The following ATRIP variants were observed in gnomAD, a reference collection of about 807,000 sequenced individuals.
ATRIP encodes ATR-interacting protein.
ATRIP carries 44 observed loss-of-function variants against 78.1 expected under a neutral mutation model. That is an observed-to-expected ratio of 0.56 (90% CI 0.44 to 0.72). The LOEUF is 0.72. Among genes scored for constraint, ATRIP ranks in the 30% least tolerant of loss-of-function variants. ATRIP has a pLI of 0.00. For missense variants in ATRIP, 927 were observed against 980.2 expected (o/e 0.95, Z 0.72); for synonymous variants, 388 against 408.9 (o/e 0.95, Z 0.62).
Position 48,460,090 on chromosome 3 carries a change from T to C in ATRIP, c.1056-20T>C. Reference sequence around the variant, plus strand: ...TCTCCATCCCACACTTAATCTATTTTTCTTTGTGTTTGTTGCCAGTACCTT... The same window carrying C: ...TCTCCATCCCACACTTAATCTATTTCTCTTTGTGTTTGTTGCCAGTACCTT... On this transcript the variant is annotated intron_variant, in intron 7 of 12. Transcript: ENST00000320211. The C allele has an allele frequency of 2.5e-6, 4 of 1,594,614 alleles. No individual in the cohort carries two copies. Among genetic ancestry groups the C allele is most frequent in the Non-Finnish European group, 3.4e-6 (4 of 1,170,168 alleles).
chr3:48,459,970 AT>A, intron 7 of ATRIP, 54 bp downstream of exon 7: 1 of 1,577,062 alleles, frequency 6.3e-7, no homozygotes, highest in Non-Finnish European at 8.6e-7. Context: ...CTGGAAGCAA[AT>A]TCCTTTCTGG....
chr3:48,449,118 C>T (rs967505539), intron 1 of ATRIP, among the ~76,000 whole-genome samples: 1 of 152,102 alleles, frequency 6.6e-6, no homozygotes, highest in Non-Finnish European at 1.5e-5. Flanking sequence ...TTAGAAGGAT[C>T]ATTTATGAGT....
Position 48,465,056 on chromosome 3 carries a change from G to A in ATRIP, c.2281G>A (p.Gly761Arg). 2 of 1,612,882 alleles carry A rather than the reference G, an allele frequency of 1.2e-6. No individual in the cohort carries two copies. The highest frequency in any genetic ancestry group is 1.1e-5 in the South Asian group (1 of 91,060). ...GCCGGGGGTCAGCATGCTCATCCGA[G>A]GGCTTCCTGATGTGACGGACTGTGA... ...VMPGVSMLIR[G>R]LPDVTDCEEA... Residue 761 changes from glycine (G) to arginine (R), a missense_variant, in exon 12 of 13, where the codon GGG (glycine) becomes AGG (arginine). Coordinates refer to ENST00000320211, the MANE Select transcript of ATRIP (RefSeq NM_130384.3).
At chr3:48,463,918 G>A (rs1174892856) in intron 9 of ATRIP, 37 bp downstream of exon 9, 9 of 1,612,448 alleles carry the variant, frequency 5.6e-6, no homozygotes, top group Non-Finnish European at 7.6e-6. Context: ...GACTGCTCCT[G>A]CAGATCAAGG....
chr3:48,452,870 ATTTTT>A (rs71074246), intron 3 of ATRIP, among the ~76,000 whole-genome samples: 58,980 of 116,984 alleles, frequency 0.5, 13,561 homozygotes, highest in East Asian at 0.64. Flanking sequence ...AAATTATTGA[ATTTTT>A]TTTTTTTTTT....
intron 12 of ATRIP, 65 bp from the exon 13 acceptor site, chr3:48,465,422 G>A (rs939689929): frequency 2.0e-6 from 3 of 1,516,810 alleles, no homozygotes; most frequent in East Asian, 2.3e-5. Context: ...GGGAGGAGAG[G>A]TGGGACCTGC....
At chr3:48,447,285 C>G (rs1382903338) in intron 1 of ATRIP, 193 bp downstream of exon 1, 1 of 1,248,732 alleles carries the variant, frequency 8.0e-7, no homozygotes, top group Admixed American at 4.2e-5. Context: ...TTAGCCAGGT[C>G]AAACAGCCGA....
Position 48,460,735 on chromosome 3 carries a change from C to A in ATRIP, c.1681C>A (p.Leu561Met). Residue 561 changes from leucine (L) to methionine (M), a missense_variant, in exon 8 of 13, where the codon CTG becomes ATG. Physicochemically the swap from Leu to Met is conservative, Grantham distance 15. Coordinates refer to ENST00000320211, the MANE Select transcript of ATRIP (RefSeq NM_130384.3). The part of the protein sequence containing the change: ...AATGHLQASV[L>M]TQCLKVLVKL... ...AACAGGTCACCTTCAAGCCAGTGTC[C>A]TGACCCAGTGCCTTAAGGTTTTGGT... 6.2e-7 allele frequency: 1 copy of A among 1,612,604 alleles called. No individual in the cohort carries two copies. Among genetic ancestry groups the A allele is most frequent in the Non-Finnish European group, 8.5e-7 (1 of 1,178,684 alleles).
chr3:48,465,725 T>C lies in ATRIP; in HGVS notation c.*171T>C. The C allele has an allele frequency of 3.2e-6, 2 of 623,102 alleles. No individual in the cohort carries two copies. The highest frequency in any genetic ancestry group is 5.6e-6 in the Non-Finnish European group (2 of 359,708). 38.6% of individuals were successfully genotyped at this position (623,102 alleles called of 1,614,324 possible). A position where few individuals can be genotyped will look rare whatever the true frequency, so the allele number is the denominator to read the frequency against. ...GGTGGAGCAGGACCCGGACCCTGAG[T>C]GGCTGGGATCCTTCTTCCTGTCCCT... is the stretch of plus-strand genomic sequence containing the variant. On this transcript the variant is annotated 3_prime_UTR_variant, in exon 13 of 13. Coordinates refer to ENST00000320211, the MANE Select transcript of ATRIP (RefSeq NM_130384.3).
chr3:48,451,606 T>C, intron 2 of ATRIP, 123 bp from the exon 3 acceptor site: 1 of 771,172 alleles, frequency 1.3e-6, no homozygotes, highest in Non-Finnish European at 2.1e-6. Flanking sequence ...TGTGGATATA[T>C]TTTGAGTACT....
chr3:48,457,826 C>T (rs1362571629), intron 5 of ATRIP, among the ~76,000 whole-genome samples: 4 of 152,206 alleles, frequency 2.6e-5, no homozygotes, highest in South Asian at 2.1e-4. Flanking sequence ...GGGCGTCATT[C>T]AAGGGGAGAA....
chr3:48,458,577 C>T (rs1400717036), intron 5 of ATRIP, among the ~76,000 whole-genome samples: 6 of 152,160 alleles, frequency 3.9e-5, no homozygotes, highest in Non-Finnish European at 7.4e-5. Context: ...ACTTCAGCCT[C>T]CCAAAATGCT....
chr3:48,451,440 A>G (rs1330723905), intron 2 of ATRIP, among the ~76,000 whole-genome samples: 4 of 152,208 alleles, frequency 2.6e-5, no homozygotes, highest in African/African-American at 7.2e-5. Flanking sequence ...ACATTGAGCT[A>G]TGATTGTGCC....
At chr3:48,452,331 T>C (rs928458985) in intron 3 of ATRIP, among the ~76,000 whole-genome samples, 6 of 152,132 alleles carry the variant, frequency 3.9e-5, no homozygotes, top group Admixed American at 1.3e-4. Context: ...TCTATACTTA[T>C]GGTAGAGGGT....
chr3:48,458,237 T>G (rs2040006530), intron 5 of ATRIP, among the ~76,000 whole-genome samples: 1 of 150,788 alleles, frequency 6.6e-6, no homozygotes, highest in Non-Finnish European at 1.5e-5. Flanking sequence ...GCCATCATGC[T>G]TGTGGGCATA....
intron 5 of ATRIP, 133 bp from the exon 6 acceptor site, chr3:48,459,226 C>G (rs1284098377): frequency 1.5e-6 from 1 of 664,320 alleles, no homozygotes; most frequent in Admixed American, 2.7e-5. Flanking sequence ...GGCTCTTGAG[C>G]CGCTTTGGCT....
At chr3:48,451,309 A>G (rs542863249) in intron 2 of ATRIP, among the ~76,000 whole-genome samples, 14 of 152,302 alleles carry the variant, frequency 9.2e-5, no homozygotes, top group East Asian at 3.9e-4. Context: ...GGGCAATACA[A>G]TGAGACCCTG....
At chr3:48,458,941 T>G (rs2040026363) in intron 5 of ATRIP, among the ~76,000 whole-genome samples, 1 of 152,184 alleles carries the variant, frequency 6.6e-6, no homozygotes, top group Non-Finnish European at 1.5e-5. Flanking sequence ...GTTAACTGGC[T>G]TATATGATTT....
At position 48,464,828 on chromosome 3, in the gene ATRIP, C is replaced by G; in HGVS notation, c.2056-3C>G. ...GCCTCAGTCTGCACCCCCCCTCTCT[C>G]AGGTGGTCAGAGCGCTCACGGTGAT... On this transcript the variant is annotated splice_region_variant and splice_polypyrimidine_tract_variant and intron_variant, in intron 11 of 12. Coordinates refer to ENST00000320211, the MANE Select transcript of ATRIP (RefSeq NM_130384.3). The G allele has an allele frequency of 6.2e-7, 1 of 1,606,702 alleles. No homozygotes were observed. Among genetic ancestry groups the G allele is most frequent in the Non-Finnish European group, 8.5e-7 (1 of 1,174,336 alleles).
Sources: allele counts gnomAD v4.1 joint callset (sites outside exome capture counted in the v4.1 genomes callset), GRCh38; gene constraint gnomAD v4.1.1; transcripts MANE v1.5; gene names NCBI Gene and HGNC (gene_info 2026-07-23, HGNC 2026-07-21).